PPP1R9A: variants seen among roughly 807,000 people sequenced by gnomAD.
PPP1R9A encodes the protein neurabin-1.
Under a neutral mutation model 141.9 loss-of-function variants are expected in PPP1R9A, and 59 were observed. That is an observed-to-expected ratio of 0.42 (90% CI 0.34 to 0.52). The LOEUF (loss-of-function observed/expected upper bound fraction) is 0.52. PPP1R9A is among the 20% of genes least tolerant of loss of function. The pLI, the probability that PPP1R9A is intolerant of heterozygous loss-of-function variation, is 0.10. For missense variants in PPP1R9A, 1,444 were observed against 1,611.9 expected, an observed-to-expected ratio of 0.90 and a Z score of 1.78; for synonymous variants, 500 against 569.7, an observed-to-expected ratio of 0.88 and a Z score of 1.74.
chr7:95,178,296 A>C (rs547101293), intron 5 of PPP1R9A, among the ~76,000 whole-genome samples: 2 of 152,162 alleles, frequency 1.3e-5, no homozygotes, highest in Non-Finnish European at 2.9e-5. Context: ...TGGGTCAAAA[A>C]TGAAATCAAG....
chr7:94,910,038 G>C lies in PPP1R9A; in HGVS notation c.-76G>C, dbSNP rs1057257285. ...TTTCTTGACCCAATACTGGTGATTA[G>C]AGAAGAGAGGTATCTTGGTTTTTGG... is the stretch of plus-strand genomic sequence containing the variant. On this transcript the variant is annotated 5_prime_UTR_variant, in exon 2 of 20. Transcript: ENST00000433360. The surrounding 1 kb of genome is among the most constrained non-coding windows in gnomAD (Gnocchi z 4.5). 6 of 1,296,564 alleles carry C rather than the reference G, an allele frequency of 4.6e-6. No homozygotes were observed. The highest frequency in any genetic ancestry group is 5.4e-6 in the Non-Finnish European group (5 of 932,258). 80.3% of individuals were successfully genotyped at this position (1,296,564 alleles called of 1,614,324 possible).
In PPP1R9A at chr7:95,269,480, A is replaced by G; in HGVS notation, c.3097A>G (p.Thr1033Ala). ...VEESPCHHQT[T>A]NKKILREKDD... ...AGAATCTCCTTGCCATCACCAAACC[A>G]CCAACAAGAAAATATTACGAGAAAA... The change falls in exon 14 of 20, where the codon ACC (threonine) becomes GCC (alanine). Residue 1033 changes from threonine to alanine, a missense_variant. By Grantham distance (58) the Thr-to-Ala change is moderately conservative (BLOSUM62 0). Around this residue, in one of 5 missense-constraint regions of PPP1R9A, gnomAD observed 459 missense variants for 513.8 expected, o/e 0.89. Transcript: ENST00000433360. 7.0e-6 allele frequency: 11 copies of G among 1,581,358 alleles called. No homozygotes were observed. Among genetic ancestry groups the G allele is most frequent in the Non-Finnish European group, 9.4e-6 (11 of 1,164,902 alleles).
chr7:95,094,858 C>T (rs111790121), intron 2 of PPP1R9A, among the ~76,000 whole-genome samples: 27 of 115,988 alleles, frequency 2.3e-4, no homozygotes, highest in Admixed American at 7.7e-4. Context: ...CCAGCCTGGG[C>T]GACAGAGGGA....
At chr7:94,939,902 A>T (rs945975218) in intron 2 of PPP1R9A, among the ~76,000 whole-genome samples, 1 of 151,854 alleles carries the variant, frequency 6.6e-6, no homozygotes, top group Non-Finnish European at 1.5e-5. Context: ...ACCTAAACAC[A>T]CTATCTCTTC....
At chr7:95,246,759 CCTT>C (rs1585439417) in intron 8 of PPP1R9A, among the ~76,000 whole-genome samples, 2 of 152,026 alleles carry the variant, frequency 1.3e-5, no homozygotes, top group African/African-American at 2.4e-5. Flanking sequence ...TCGTTCAGTT[CCTT>C]CTTCTTCCCT....
At chr7:95,031,080 A>T (rs1807611399) in intron 2 of PPP1R9A, among the ~76,000 whole-genome samples, 1 of 152,098 alleles carries the variant, frequency 6.6e-6, no homozygotes, top group Non-Finnish European at 1.5e-5. Flanking sequence ...CCCATGTGTG[A>T]CTATTGAATA....
chr7:95,286,253 A>G lies in PPP1R9A; in HGVS notation c.3657A>G (p.Ala1219=). ...DDFSPSSTSS[A]DLSGLGAEPK... is the part of the protein sequence containing the mutation. ...TCAGTCCCAGCAGTACCAGTTCAGC[A>G]GACCTCAGCGGCTTAGGAGCAGAAC... Residue 1219 remains alanine (A), a synonymous_variant, in exon 18 of 20, where the codon GCA becomes GCG. Transcript: ENST00000433360. 6.2e-7 allele frequency: 1 copy of G among 1,613,736 alleles called. No homozygotes were observed. The highest frequency in any genetic ancestry group is 2.2e-5 in the East Asian group (1 of 44,872).
At chr7:95,221,805 A>T (rs958388079) in intron 7 of PPP1R9A, among the ~76,000 whole-genome samples, 2 of 152,062 alleles carry the variant, frequency 1.3e-5, no homozygotes, top group Admixed American at 1.3e-4. Flanking sequence ...TAAAGATGCT[A>T]CAGTAATTTC....
intron 2 of PPP1R9A, among the ~76,000 whole-genome samples, chr7:94,926,572 C>T (rs1000270415): frequency 1.3e-5 from 2 of 152,082 alleles, no homozygotes; most frequent in Non-Finnish European, 2.9e-5. Context: ...TGAAAGTTAT[C>T]AAAAATTTAA....
chr7:95,063,306 ATACCAG>A (rs1398257816), intron 2 of PPP1R9A, among the ~76,000 whole-genome samples: 2 of 152,138 alleles, frequency 1.3e-5, no homozygotes, highest in African/African-American at 4.8e-5. Context: ...CACACCTGTA[ATACCAG>A]CAATTTAATA....
At chr7:95,275,666 CTAAAAA>C (rs2153060995) in intron 16 of PPP1R9A, among the ~76,000 whole-genome samples, 1 of 152,286 alleles carries the variant, frequency 6.6e-6, no homozygotes, top group East Asian at 1.9e-4. Flanking sequence ...AAGAAACACA[CTAAAAA>C]TAAAATACTA....
intron 2 of PPP1R9A, among the ~76,000 whole-genome samples, chr7:94,956,426 T>G (rs1797077764): frequency 6.6e-6 from 1 of 152,310 alleles, no homozygotes; most frequent in Admixed American, 6.5e-5. Context: ...TTCTATTTAA[T>G]TTATCTAAAC....
chr7:95,023,815 G>A (rs1165187357), intron 2 of PPP1R9A, among the ~76,000 whole-genome samples: 1 of 152,174 alleles, frequency 6.6e-6, no homozygotes, highest in African/African-American at 2.4e-5. Flanking sequence ...GCCTCCCAAA[G>A]TGTTGGGATT....
intron 16 of PPP1R9A, among the ~76,000 whole-genome samples, chr7:95,278,277 A>T (rs1193520701): frequency 6.6e-6 from 1 of 152,164 alleles, no homozygotes; most frequent in African/African-American, 2.4e-5. Flanking sequence ...CTATATTGGG[A>T]TATGTGTAGG....
At chr7:95,008,656 AG>A (rs1803965864) in intron 2 of PPP1R9A, among the ~76,000 whole-genome samples, 1 of 152,166 alleles carries the variant, frequency 6.6e-6, no homozygotes, top group Non-Finnish European at 1.5e-5. Flanking sequence ...AACGTGTAAA[AG>A]GAGTACCACT....
chr7:95,004,426 A>G (rs1803334842), intron 2 of PPP1R9A, among the ~76,000 whole-genome samples: 1 of 152,168 alleles, frequency 6.6e-6, no homozygotes, highest in African/African-American at 2.4e-5. Flanking sequence ...AAAAATCTTT[A>G]AAGAAAGCTT....
intron 2 of PPP1R9A, among the ~76,000 whole-genome samples, chr7:94,925,720 C>A (rs554008960): frequency 6.6e-6 from 1 of 152,232 alleles, no homozygotes; most frequent in African/African-American, 2.4e-5. Context: ...ATTGTAGGTA[C>A]ACAGTTGGTG....
intron 2 of PPP1R9A, among the ~76,000 whole-genome samples, chr7:95,065,802 A>T (rs547821903): frequency 1.3e-5 from 2 of 152,316 alleles, no homozygotes; most frequent in South Asian, 4.1e-4. Flanking sequence ...AATCTACACA[A>T]TTTCAATTTT....
chr7:94,933,811 G>A (rs1335772686), intron 2 of PPP1R9A, among the ~76,000 whole-genome samples: 3 of 152,166 alleles, frequency 2.0e-5, no homozygotes, highest in Non-Finnish European at 4.4e-5. Context: ...AGCCTAGGTA[G>A]TCTGGCCTGA....
Sources: gnomAD v4.1 joint callset for allele counts (sites outside exome capture counted in the v4.1 genomes callset) on GRCh38, gnomAD v4.1.1 for gene constraint, gnomAD v4.1.1 regional missense constraint, Gnocchi (gnomAD v3.1) non-coding constraint, MANE v1.5 for transcripts, NCBI Gene and HGNC (gene_info 2026-07-23, HGNC 2026-07-21) for gene names.